CERS4: variants seen among roughly 807,000 people sequenced by gnomAD.
CERS4 encodes LAG1 homolog, ceramide synthase 4.
Under a neutral mutation model 51.8 loss-of-function variants are expected in CERS4, and 65 were observed. The observed-to-expected ratio is 1.26, with a 90% CI of 1.03 to 1.54. The LOEUF (loss-of-function observed/expected upper bound fraction) is 1.54. CERS4 is among the 40% of genes most tolerant of loss of function. CERS4 has a pLI of 0.00. For missense variants in CERS4, 563 were observed against 500.4 expected, an observed-to-expected ratio of 1.13 and a Z score of -1.19; for synonymous variants, 228 against 208.4, an observed-to-expected ratio of 1.09 and a Z score of -0.81.
intron 3 of CERS4, among the ~76,000 whole-genome samples, chr19:8,252,855 A>G (rs1221687361): frequency 6.6e-6 from 1 of 152,206 alleles, no homozygotes; most frequent in Non-Finnish European, 1.5e-5. Context: ...TTTAAGAGGC[A>G]GGAGGCAGGA....
chr19:8,261,898 C>T (rs374463193), intron 11 of CERS4, 32 bp from the exon 12 acceptor site: 1 of 1,611,956 alleles, frequency 6.2e-7, no homozygotes, highest in Non-Finnish European at 8.5e-7. Flanking sequence ...TTCCTCCCTG[C>T]TCTGAGCTCC....
At chr19:8,231,851 A>ATTTTTTT (rs3042169) in intron 2 of CERS4, among the ~76,000 whole-genome samples, 3,879 of 104,200 alleles carry the variant, frequency 0.037, 249 homozygotes, top group Non-Finnish European at 0.049. Context: ...TGTGCCCAGC[A>ATTTTTTT]TTTTTTTTTT....
chr19:8,258,627 G>A (rs904316011), intron 10 of CERS4, among the ~76,000 whole-genome samples: 9 of 152,012 alleles, frequency 5.9e-5, no homozygotes, highest in African/African-American at 9.7e-5. Context: ...GGAAGATCAC[G>A]AGGTCAGGAG....
chr19:8,227,708 A>G (rs778225105), intron 2 of CERS4, among the ~76,000 whole-genome samples: 2 of 152,150 alleles, frequency 1.3e-5, no homozygotes, highest in Non-Finnish European at 2.9e-5. Flanking sequence ...ATTATGGTAC[A>G]TGAAATCAGC....
At chr19:8,238,050 T>C (rs3101742) in intron 2 of CERS4, among the ~76,000 whole-genome samples, 110,151 of 151,590 alleles carry the variant, frequency 0.73, 40,165 homozygotes, top group East Asian at 0.87. Context: ...CCCCCCACAA[T>C]CCCTGCTCCA....
rs924034156 is a variant in CERS4, at chr19:8,231,709, C to T, written c.-1-19367C>T. ...GATTACAGATGCCCGCCACCATGCC[C>T]GGCTAATTTTCTTTTTGTATTTTTA... On this transcript the variant is annotated intron_variant, in intron 2 of 11. Transcript: ENST00000251363. Among the ~76,000 whole-genome samples, 16 of 151,888 alleles carry T rather than the reference C, an allele frequency of 1.1e-4. No homozygotes were observed. The East Asian group carries it at 1.2e-3, about 11-fold the overall frequency.
intron 2 of CERS4, among the ~76,000 whole-genome samples, chr19:8,215,491 A>G (rs1032321289): frequency 2.0e-5 from 3 of 148,856 alleles, no homozygotes; most frequent in African/African-American, 5.1e-5. Flanking sequence ...AAAAAAAAAA[A>G]CAAAAAACAA....
At chr19:8,259,429 T>G (rs1313878377) in intron 10 of CERS4, among the ~76,000 whole-genome samples, 2 of 152,030 alleles carry the variant, frequency 1.3e-5, no homozygotes, top group Non-Finnish European at 2.9e-5. Context: ...GTGCAGGTCC[T>G]TGAGGGCTGT....
At position 8,255,682 on chromosome 19, in the gene CERS4, A is replaced by G; in HGVS notation, c.367A>G (p.Asn123Asp). ...QTQRWFRRRRNQDRPQLTKKF... is the reference protein window; with the variant it reads ...QTQRWFRRRRDQDRPQLTKKF... ...CCAGCGATGGTTCCGGAGACGCCGG[A>G]ACCAGGATCGACCCCAGCTGACCAA... Residue 123 changes from asparagine to aspartate, a missense_variant, in exon 5 of 12, where the codon AAC becomes GAC. Transcript: ENST00000251363. The G allele has an allele frequency of 6.2e-7, 1 of 1,613,138 alleles. No individual in the cohort carries two copies. Among genetic ancestry groups the G allele is most frequent in the Non-Finnish European group, 8.5e-7 (1 of 1,179,816 alleles).
chr19:8,246,271 G>T (rs898257044), intron 2 of CERS4, among the ~76,000 whole-genome samples: 3 of 151,796 alleles, frequency 2.0e-5, no homozygotes, highest in Admixed American at 2.0e-4. Flanking sequence ...TTAAAGATGT[G>T]TGCGGGCCAG....
chr19:8,261,811 G>A lies in CERS4; in HGVS notation c.972G>A (p.Leu324=), dbSNP rs767525677. The A allele has an allele frequency of 4.3e-6, 7 of 1,614,162 alleles. No homozygotes were observed. Among genetic ancestry groups the A allele is most frequent in the South Asian group, 1.1e-5 (1 of 91,088 alleles). Residue 324 remains leucine, a synonymous_variant, in exon 11 of 12, where the codon CTG becomes CTA. Transcript: ENST00000251363. The part of the protein sequence containing the change: ...LLHVFWSCLI[L]RMLYSFMKKG... ...ACGTGTTCTGGTCTTGCCTCATTCT[G>A]CGCATGCTCTATAGCTTCATGAAGA...
intron 6 of CERS4, 133 bp downstream of exon 6, chr19:8,256,012 A>C (rs1307472641): frequency 1.9e-6 from 2 of 1,042,806 alleles, no homozygotes; most frequent in Non-Finnish European, 2.8e-6. Context: ...GCTTTGCAAG[A>C]TGGTGGTGAA....
Position 8,255,688 on chromosome 19 carries a change from G to C in CERS4, c.373G>C (p.Asp125His). 1 of 1,608,250 alleles carries C rather than the reference G, an allele frequency of 6.2e-7. No homozygotes were observed. Among genetic ancestry groups the C allele is most frequent in the Non-Finnish European group, 8.5e-7 (1 of 1,177,328 alleles). The change falls in exon 5 of 12, where the codon GAT becomes CAT. Residue 125 changes from aspartate to histidine, a missense_variant. Asp to His is a moderately conservative substitution (Grantham distance 81). Coordinates refer to ENST00000251363, the MANE Select transcript of CERS4 (RefSeq NM_024552.3). ...QRWFRRRRNQ[D>H]RPQLTKKFCE... ...ATGGTTCCGGAGACGCCGGAACCAG[G>C]ATCGACCCCAGCTGACCAAGAAGTT...
At chr19:8,212,511 G>A (rs933699126) in intron 2 of CERS4, among the ~76,000 whole-genome samples, 1 of 152,120 alleles carries the variant, frequency 6.6e-6, no homozygotes, top group Non-Finnish European at 1.5e-5. Context: ...CAGAAAGAGG[G>A]CAGAAGGAAA....
intron 2 of CERS4, among the ~76,000 whole-genome samples, chr19:8,236,894 C>T (rs928053126): frequency 1.4e-5 from 2 of 144,916 alleles, no homozygotes; most frequent in African/African-American, 5.1e-5. Context: ...TCCAGCTACT[C>T]AGTGTGGCTG....
At chr19:8,253,833 G>A (rs562967476) in intron 3 of CERS4, among the ~76,000 whole-genome samples, 4 of 151,988 alleles carry the variant, frequency 2.6e-5, no homozygotes, top group East Asian at 3.9e-4. Flanking sequence ...CACGTGATCC[G>A]CCCACCTCAG....
chr19:8,215,521 G>C (rs1455916009), intron 2 of CERS4, among the ~76,000 whole-genome samples: 3 of 151,758 alleles, frequency 2.0e-5, no homozygotes, highest in African/African-American at 7.3e-5. Context: ...GTGTCTGGGG[G>C]ATGGGCCAGC....
chr19:8,256,888 T>C (rs1241063029), intron 8 of CERS4, 61 bp from the exon 9 acceptor site: 2 of 1,612,050 alleles, frequency 1.2e-6, no homozygotes, highest in Admixed American at 1.7e-5. Flanking sequence ...TCTTGGCCCA[T>C]AGGGTGGGGG....
rs571513195 is a variant in CERS4 at position 8,215,478 on chromosome 19, C to CAA, written c.-2+4628_-2+4629dup. ...TGTGCAACAGAGCAAGACTCTGTCTCAAAAAAAAAAAAACAAAAAACAAGC... is the reference window on the plus strand; with the variant it reads ...TGTGCAACAGAGCAAGACTCTGTCTCAAAAAAAAAAAAAAACAAAAAACAAGC... On this transcript the variant is annotated intron_variant, in intron 2 of 11. Coordinates refer to ENST00000251363, the MANE Select transcript of CERS4 (RefSeq NM_024552.3). Among the ~76,000 whole-genome samples, 1,890 of 128,474 alleles carry CAA rather than the reference C, an allele frequency of 0.015. 81 individuals are homozygous for CAA. In the East Asian group the frequency reaches 0.17, roughly 12 times the overall value. 84.3% of individuals were successfully genotyped at this position (128,474 alleles called of 152,430 possible).
Sources: allele counts gnomAD v4.1 joint callset (sites outside exome capture counted in the v4.1 genomes callset), GRCh38; gene constraint gnomAD v4.1.1; transcripts MANE v1.5; gene names NCBI Gene and HGNC (gene_info 2026-07-23, HGNC 2026-07-21).